Variants in MROH2B observed in about 807,000 individuals in gnomAD.
MROH2B encodes the protein maestro heat-like repeat-containing protein family member 2B.
In MROH2B, 177 loss-of-function variants were observed where a neutral mutation model predicts 208.6. That is an observed-to-expected ratio of 0.85 (90% CI 0.75 to 0.96). The LOEUF is 0.96. MROH2B is among the 40% of genes least tolerant of loss of function. MROH2B has a pLI of 0.00. For missense variants in MROH2B, 2,002 were observed against 1,878.7 expected (o/e 1.07, Z -1.21); for synonymous variants, 728 against 659.0 (o/e 1.10, Z -1.60).
intron 20 of MROH2B, among the ~76,000 whole-genome samples, chr5:41,039,226 G>C (rs1028922715): frequency 6.6e-6 from 1 of 152,184 alleles, no homozygotes; most frequent in Non-Finnish European, 1.5e-5. Context: ...GGCACATGCA[G>C]AGCGCATTTA....
chr5:40,999,679 G>A lies in MROH2B; in HGVS notation c.4583C>T (p.Thr1528Ile), dbSNP rs1321942948. 1.2e-6 allele frequency: 2 copies of A among 1,610,808 alleles called. No homozygotes were observed. Among genetic ancestry groups the A allele is most frequent in the East Asian group, 2.2e-5 (1 of 44,778 alleles). ...AGGAAATGGGGATGTGTACTCACCTGTGAGTTTGACAGCTGCACTCCTGAT... is the reference window on the plus strand; with the variant it reads ...AGGAAATGGGGATGTGTACTCACCTATGAGTTTGACAGCTGCACTCCTGAT... ...EVIRSAAVKL[T>I]DAVVLNLTSQ... The change falls in exon 40 of 42, where the codon ACA becomes ATA. Residue 1528 changes from threonine to isoleucine, a missense_variant and splice_region_variant. Physicochemically the swap from Thr to Ile is moderately conservative, Grantham distance 89. Coordinates refer to ENST00000399564, the MANE Select transcript of MROH2B (RefSeq NM_173489.5).
intron 39 of MROH2B, 26 bp from the exon 40 acceptor site, chr5:40,999,805 G>T (rs1561270159): frequency 6.3e-7 from 1 of 1,599,420 alleles, no homozygotes; most frequent in Non-Finnish European, 8.6e-7. Context: ...ATTTCAAAGA[G>T]GGCAACTGGA....
chr5:41,069,919 CAT>C (rs1312256134), intron 1 of MROH2B, among the ~76,000 whole-genome samples, 167 bp from the exon 2 acceptor site: 1 of 152,120 alleles, frequency 6.6e-6, no homozygotes, highest in Non-Finnish European at 1.5e-5. Context: ...ATATCCATGA[CAT>C]AAATGAAACT....
chr5:41,049,898 C>T (rs1743236892), intron 13 of MROH2B, among the ~76,000 whole-genome samples: 2 of 152,152 alleles, frequency 1.3e-5, no homozygotes, highest in Admixed American at 1.3e-4. Context: ...CAGGCTCTGA[C>T]CTGCCTGCTC....
intron 26 of MROH2B, 44 bp downstream of exon 26, chr5:41,018,647 G>T: frequency 6.2e-7 from 1 of 1,600,790 alleles, no homozygotes; most frequent in Non-Finnish European, 8.6e-7. Flanking sequence ...TTGAAGAACA[G>T]ATTAGGGAGA....
chr5:41,057,098 G>T lies in MROH2B; in HGVS notation c.919+11C>A, dbSNP rs369507414. 6.2e-7 allele frequency: 1 copy of T among 1,613,720 alleles called. No homozygotes were observed. Among genetic ancestry groups the T allele is most frequent in the Non-Finnish European group, 8.5e-7 (1 of 1,179,680 alleles). On this transcript the variant is annotated intron_variant, in intron 9 of 41. Coordinates refer to ENST00000399564, the MANE Select transcript of MROH2B (RefSeq NM_173489.5). ...CATTTTTATTAAAAGCCTTCTGGAT[G>T]CTGGTCCTACCTAGAATGAGAAAAC...
chr5:41,053,854 T>G (rs1743362915), intron 11 of MROH2B, among the ~76,000 whole-genome samples: 1 of 152,248 alleles, frequency 6.6e-6, no homozygotes, highest in Non-Finnish European at 1.5e-5. Context: ...CTTAAAAGAA[T>G]TTATTCCTCT....
At chr5:41,013,091 A>G (rs529130851) in intron 29 of MROH2B, among the ~76,000 whole-genome samples, 9 of 152,368 alleles carry the variant, frequency 5.9e-5, no homozygotes, top group African/African-American at 1.7e-4. Context: ...ACAAACATTC[A>G]TATATCATAG....
At chr5:41,068,214 A>G (rs1362374002) in intron 2 of MROH2B, among the ~76,000 whole-genome samples, 2 of 152,208 alleles carry the variant, frequency 1.3e-5, no homozygotes, top group African/African-American at 4.8e-5. Flanking sequence ...ATTACTCCTC[A>G]GGGCTGGTCC....
chr5:41,037,186 A>G (rs1742794077), intron 21 of MROH2B, among the ~76,000 whole-genome samples: 1 of 152,052 alleles, frequency 6.6e-6, no homozygotes, highest in Admixed American at 6.6e-5. Context: ...GGCTGGTTTC[A>G]AACCCCTGGC....
chr5:41,010,903 A>T (rs1390560456), intron 30 of MROH2B, among the ~76,000 whole-genome samples: 2 of 152,154 alleles, frequency 1.3e-5, no homozygotes, highest in Non-Finnish European at 2.9e-5. Flanking sequence ...ACTGTGCTTA[A>T]TTTTGCTGTG....
At chr5:41,057,199 G>C (rs1579955363) in intron 8 of MROH2B, 21 bp from the exon 9 acceptor site, 1 of 1,613,296 alleles carries the variant, frequency 6.2e-7, no homozygotes, top group Non-Finnish European at 8.5e-7. Context: ...GTGGAAATCA[G>C]GTGGTAGATG....
At chr5:41,035,009 A>C (rs1271689542) in intron 21 of MROH2B, among the ~76,000 whole-genome samples, 1 of 152,310 alleles carries the variant, frequency 6.6e-6, no homozygotes, top group African/African-American at 2.4e-5. Context: ...TATTGTTAGA[A>C]TGATCATACT....
intron 24 of MROH2B, 70 bp from the exon 25 acceptor site, chr5:41,019,088 A>G: frequency 6.3e-7 from 1 of 1,582,802 alleles, no homozygotes; most frequent in East Asian, 2.2e-5. Context: ...GGAATTCCCA[A>G]GAACTGCCAA....
chr5:41,002,914 ATT>A (rs992984205), intron 37 of MROH2B, among the ~76,000 whole-genome samples: 4 of 151,186 alleles, frequency 2.6e-5, no homozygotes, highest in African/African-American at 9.7e-5. Flanking sequence ...TATCTTTGTT[ATT>A]TTTACCCCAG....
chr5:41,011,230 C>T (rs145246569), intron 30 of MROH2B, among the ~76,000 whole-genome samples: 1 of 152,160 alleles, frequency 6.6e-6, no homozygotes, highest in African/African-American at 2.4e-5. Flanking sequence ...TTTGGATAGA[C>T]ATTTAAGTTA....
intron 26 of MROH2B, 21 bp downstream of exon 26, chr5:41,018,670 T>G: frequency 6.2e-7 from 1 of 1,607,242 alleles, no homozygotes; most frequent in Non-Finnish European, 8.5e-7. Flanking sequence ...GAGAATCAGT[T>G]TGAGTGGAGG....
Position 40,999,790 on chromosome 5 carries a change from T to A in MROH2B, c.4483-11A>T, listed in dbSNP as rs773559515. 1 of 1,610,080 alleles carries A rather than the reference T, an allele frequency of 6.2e-7. No individual in the cohort carries two copies. On this transcript the variant is annotated splice_polypyrimidine_tract_variant and intron_variant, in intron 39 of 41. Coordinates refer to ENST00000399564, the MANE Select transcript of MROH2B (RefSeq NM_173489.5). ...CTGGTTTTTCTTGGCCTAGAAGAGA[T>A]GTGAATTTCAAAGAGGGCAACTGGA...
intron 22 of MROH2B, 114 bp downstream of exon 22, chr5:41,033,724 C>A: frequency 1.2e-6 from 1 of 851,484 alleles, no homozygotes; most frequent in South Asian, 1.8e-5. Flanking sequence ...TGTTGGAAAC[C>A]TTTCAATTGG....
Sources: gnomAD v4.1 joint callset for allele counts (sites outside exome capture counted in the v4.1 genomes callset) on GRCh38, gnomAD v4.1.1 for gene constraint, MANE v1.5 for transcripts, NCBI Gene and HGNC (gene_info 2026-07-23, HGNC 2026-07-21) for gene names.